NKD1: variants seen among roughly 807,000 people sequenced by gnomAD.
NKD1 encodes the protein NKD inhibitor of Wnt signaling pathway 1.
In NKD1, 21 loss-of-function variants were observed where a neutral mutation model predicts 56.0. The observed-to-expected ratio is 0.38, with a 90% CI of 0.27 to 0.54. NKD1 has a LOEUF of 0.54. Ranked by LOEUF, NKD1 falls within the 20% of genes least tolerant of loss-of-function variation. The pLI is 0.82. For missense variants in NKD1, 578 were observed against 642.7 expected (o/e 0.90, Z 1.09); for synonymous variants, 263 against 265.7 (o/e 0.99, Z 0.10).
intron 3 of NKD1, among the ~76,000 whole-genome samples, chr16:50,551,592 T>A (rs1960386285): frequency 6.6e-6 from 1 of 152,128 alleles, no homozygotes; most frequent in Admixed American, 6.5e-5. Context: ...GCCCAGCCAG[T>A]GTGTCTGCAG....
At chr16:50,564,474 A>C (rs1960714178) in intron 3 of NKD1, among the ~76,000 whole-genome samples, 1 of 152,188 alleles carries the variant, frequency 6.6e-6, no homozygotes, top group South Asian at 2.1e-4. Flanking sequence ...GGCATTTAAT[A>C]TTCACAAAAA....
At chr16:50,560,859 T>TATCTATC (rs1405982763) in intron 3 of NKD1, among the ~76,000 whole-genome samples, 4 of 151,996 alleles carry the variant, frequency 2.6e-5, no homozygotes, top group Non-Finnish European at 5.9e-5. Flanking sequence ...TCTATCTATC[T>TATCTATC]ATCTACAGCA....
rs766763200 is a variant in NKD1 at position 50,608,323 on chromosome 16, G to T, written c.222G>T (p.Thr74=). The T allele has an allele frequency of 1.9e-6, 3 of 1,613,436 alleles. No homozygotes were observed. The highest frequency in any genetic ancestry group is 2.5e-6 in the Non-Finnish European group (3 of 1,179,684). Residue 74 remains threonine (T), a synonymous_variant, in exon 4 of 10, where the codon ACG becomes ACT. Coordinates refer to ENST00000268459, the MANE Select transcript of NKD1 (RefSeq NM_033119.5). ...TCGTGGGCGACGTGTTGAGAGACAC[G>T]CTCAGCGAGGAAGAGGAGGACGACT... ...RELVGDVLRD[T]LSEEEEDDFR...
At chr16:50,567,693 C>T (rs1960791972) in intron 3 of NKD1, among the ~76,000 whole-genome samples, 1 of 152,040 alleles carries the variant, frequency 6.6e-6, no homozygotes, top group South Asian at 2.1e-4. Flanking sequence ...TTTCTGGCCC[C>T]AGATCCCAGC....
chr16:50,560,652 A>G (rs1426332364), intron 3 of NKD1, among the ~76,000 whole-genome samples: 1 of 147,834 alleles, frequency 6.8e-6, no homozygotes, highest in Admixed American at 6.7e-5. Context: ...TTTCAACTGT[A>G]TGTCTCAGCC....
rs1962143798 is a variant in NKD1, at chr16:50,623,725, C to CTGGGTG, written c.367-1758_367-1757insGGTGTG. The stretch of plus-strand genomic sequence containing the variant: ...AAGCTGTCTTGGAAACAGGTAAGTG[C>CTGGGTG]TGTGTGTGTGTGTGTGTGTGTGTGT... On this transcript the variant is annotated intron_variant, in intron 5 of 9. Coordinates refer to ENST00000268459, the MANE Select transcript of NKD1 (RefSeq NM_033119.5). The surrounding 1 kb of genome is among the most constrained non-coding windows in gnomAD (Gnocchi z 4.1). Among the ~76,000 whole-genome samples, 1 of 141,550 alleles carries CTGGGTG rather than the reference C, an allele frequency of 7.1e-6. No homozygotes were observed. The highest frequency in any genetic ancestry group is 7.0e-5 in the Admixed American group (1 of 14,198). The allele number at this position is 141,550 out of a possible 152,430, so 92.9% of individuals were successfully genotyped here. A position where few individuals can be genotyped will look rare whatever the true frequency, so the allele number is the denominator to read the frequency against.
At chr16:50,604,904 G>A (rs1961672572) in intron 3 of NKD1, among the ~76,000 whole-genome samples, 1 of 152,246 alleles carries the variant, frequency 6.6e-6, no homozygotes. Context: ...TTTGAGTCCT[G>A]CTAGGCAGAT....
intron 3 of NKD1, among the ~76,000 whole-genome samples, chr16:50,569,085 G>A (rs950770018): frequency 1.3e-5 from 2 of 152,180 alleles, no homozygotes; most frequent in East Asian, 3.9e-4. Flanking sequence ...CTTTGGAACA[G>A]CATCCAGGTT....
rs1960330724 is a variant in NKD1 at position 50,549,570 on chromosome 16, C to A, written c.192+15C>A. ...GAAGCACCCGGGTATGATTCCCCAC[C>A]CCTGCCCCACCTCCTGGCCTCCTTT... On this transcript the variant is annotated intron_variant, in intron 3 of 9. Coordinates refer to ENST00000268459, the MANE Select transcript of NKD1 (RefSeq NM_033119.5). 6.4e-7 allele frequency: 1 copy of A among 1,555,638 alleles called. No individual in the cohort carries two copies. Among genetic ancestry groups the A allele is most frequent in the Admixed American group, 1.9e-5 (1 of 54,026 alleles).
Position 50,625,567 on chromosome 16 carries a change from A to C in NKD1, c.449A>C (p.Lys150Thr). The C allele has an allele frequency of 6.2e-7, 1 of 1,612,154 alleles. No homozygotes were observed. The highest frequency in any genetic ancestry group is 8.5e-7 in the Non-Finnish European group (1 of 1,178,208). Residue 150 changes from lysine to threonine, a missense_variant, in exon 6 of 10, where the codon AAG becomes ACG. Coordinates refer to ENST00000268459, the MANE Select transcript of NKD1 (RefSeq NM_033119.5). ...FTLYDFDNNGKVTREDITSLL... is the reference protein window; with the variant it reads ...FTLYDFDNNGTVTREDITSLL... Reference sequence around the variant, plus strand: ...CTGTATGACTTTGACAACAACGGCAAGGTCACCCGAGAGGTGAGTGCACCT... The same window carrying C: ...CTGTATGACTTTGACAACAACGGCACGGTCACCCGAGAGGTGAGTGCACCT...
intron 3 of NKD1, chr16:50,570,780 G>T: frequency 5.1e-6 from 5 of 983,866 alleles, no homozygotes; most frequent in Non-Finnish European, 6.0e-6. Context: ...AGGATCTATG[G>T]AGTGACCATG....
chr16:50,620,748 G>A (rs1371055655), intron 4 of NKD1, among the ~76,000 whole-genome samples: 2 of 152,166 alleles, frequency 1.3e-5, no homozygotes, highest in Non-Finnish European at 2.9e-5. Flanking sequence ...GGGATCCTAG[G>A]TCAAGGACAA....
chr16:50,589,247 C>T (rs1340176866), intron 3 of NKD1, among the ~76,000 whole-genome samples: 1 of 152,150 alleles, frequency 6.6e-6, no homozygotes, highest in Non-Finnish European at 1.5e-5. Context: ...TACTATTTCT[C>T]ATAGAACATT....
chr16:50,571,158 C>T (rs1002977209), intron 3 of NKD1, among the ~76,000 whole-genome samples: 3 of 152,218 alleles, frequency 2.0e-5, no homozygotes, highest in African/African-American at 7.2e-5. Flanking sequence ...AGGTCCCTTT[C>T]AAGGCCTTGG....
At position 50,633,255 on chromosome 16, in the gene NKD1, G is replaced by A. The variant is rs751057016; in HGVS notation, c.887G>A (p.Arg296His). 1.5e-5 allele frequency: 25 copies of A among 1,613,788 alleles called. No individual in the cohort carries two copies. Among genetic ancestry groups the A allele is most frequent in the South Asian group, 2.2e-5 (2 of 91,078 alleles). Residue 296 changes from arginine (R) to histidine (H), a missense_variant, in exon 10 of 10, where the codon CGC (arginine) becomes CAC (histidine). Coordinates refer to ENST00000268459, the MANE Select transcript of NKD1 (RefSeq NM_033119.5). This position sits in a 1 kb window ranked among gnomAD's most constrained non-coding sequence, Gnocchi z 4.9. ...PPRTSNPTRS[R>H]SHEPEAIHIP... ...CGCACCTCCAATCCCACTCGATCTC[G>A]CTCCCATGAGCCGGAAGCCATCCAC... is the stretch of plus-strand genomic sequence containing the variant.
intron 6 of NKD1, among the ~76,000 whole-genome samples, chr16:50,626,533 G>T (rs1022688177): frequency 2.0e-5 from 3 of 152,196 alleles, no homozygotes; most frequent in Admixed American, 2.0e-4. Context: ...CAGACGCCAG[G>T]GGCTCAGGGT....
At chr16:50,588,598 C>CTTTTTTTTTTTTTTTTT (rs574622414) in intron 3 of NKD1, among the ~76,000 whole-genome samples, 4 of 94,650 alleles carry the variant, frequency 4.2e-5, no homozygotes, top group Non-Finnish European at 8.3e-5. Context: ...TTTTCTTCTG[C>CTTTTTTTTTTTTTTTTT]TTTTTTTTTT....
rs770130143 is a variant in NKD1 at position 50,548,587 on chromosome 16, C to G, written c.25+9C>G. 6.8e-7 allele frequency: 1 copy of G among 1,463,464 alleles called. No homozygotes were observed. Among genetic ancestry groups the G allele is most frequent in the South Asian group, 1.3e-5 (1 of 77,202 alleles). The allele number at this position is 1,463,464 out of a possible 1,614,324, so 90.7% of individuals were successfully genotyped here. ...ACTTCACTCCAAGCCGGGTCAGTGC[C>G]CCCGCCCGCGCGCTCGCCCCGGGCC... On this transcript the variant is annotated intron_variant, in intron 1 of 9. Coordinates refer to ENST00000268459, the MANE Select transcript of NKD1 (RefSeq NM_033119.5).
At chr16:50,605,693 A>G (rs1027387596) in intron 3 of NKD1, among the ~76,000 whole-genome samples, 2 of 152,362 alleles carry the variant, frequency 1.3e-5, no homozygotes, top group South Asian at 2.1e-4. Context: ...TGTAGTTTAT[A>G]TGCAAATACT....
Sources: gnomAD v4.1 joint callset for allele counts (sites outside exome capture counted in the v4.1 genomes callset) on GRCh38, gnomAD v4.1.1 for gene constraint, Gnocchi (gnomAD v3.1) non-coding constraint, MANE v1.5 for transcripts, NCBI Gene and HGNC (gene_info 2026-07-23, HGNC 2026-07-21) for gene names.